The following CPNE4 variants were observed in gnomAD, a reference collection of about 807,000 sequenced individuals.
CPNE4 encodes the protein copine-4.
Under a neutral mutation model 67.9 loss-of-function variants are expected in CPNE4, and 25 were observed. The observed-to-expected ratio is 0.37, with a 90% CI of 0.27 to 0.51. The LOEUF (loss-of-function observed/expected upper bound fraction) is 0.51, where lower values mean the gene tolerates loss of function less well. CPNE4 is among the 20% of genes least tolerant of loss of function. The pLI is 0.93. For synonymous variants in CPNE4, 242 were observed against 244.9 expected (o/e 0.99, Z 0.11); for missense variants, 464 against 690.8 (o/e 0.67, Z 3.68).
At chr3:131,671,831 C>T (rs920115100) in intron 6 of CPNE4, among the ~76,000 whole-genome samples, 1 of 152,064 alleles carries the variant, frequency 6.6e-6, no homozygotes, top group African/African-American at 2.4e-5. Context: ...TCCACTTATA[C>T]TGTTTTGGTT....
intron 2 of CPNE4, among the ~76,000 whole-genome samples, chr3:131,763,290 G>A (rs1167444071): frequency 6.6e-6 from 1 of 152,114 alleles, no homozygotes; most frequent in Non-Finnish European, 1.5e-5. Context: ...AGTAGTCTTC[G>A]TTTGATGCAG....
intron 2 of CPNE4, among the ~76,000 whole-genome samples, chr3:131,887,737 C>T (rs2087952385): frequency 1.3e-5 from 2 of 152,202 alleles, no homozygotes; most frequent in South Asian, 4.1e-4. Context: ...AAAACTCCCT[C>T]AATAAGAATT....
chr3:131,753,170 G>A (rs2082671954), intron 2 of CPNE4, among the ~76,000 whole-genome samples: 1 of 151,642 alleles, frequency 6.6e-6, no homozygotes, highest in Non-Finnish European at 1.5e-5. Flanking sequence ...CCATCTCAGA[G>A]GAAAGAAATA....
chr3:131,585,365 C>T lies in CPNE4; in HGVS notation c.780+2119G>A, dbSNP rs73874135. On this transcript the variant is annotated intron_variant, in intron 8 of 15. Coordinates refer to ENST00000429747, the MANE Select transcript of CPNE4 (RefSeq NM_130808.3). ...TGCTTGGAATTTACTAGGTGCTACTCGATAAATATTGTAGAAACAATAAAT... is the reference window on the plus strand; with the variant it reads ...TGCTTGGAATTTACTAGGTGCTACTTGATAAATATTGTAGAAACAATAAAT... Among the ~76,000 whole-genome samples the T allele has an allele frequency of 9.4e-3, 1,428 of 152,114 alleles. 19 individuals are homozygous for T. Among genetic ancestry groups the T allele is most frequent in the East Asian group, 0.055 (282 of 5,170 alleles).
chr3:131,654,613 A>G (rs545862697), intron 7 of CPNE4, among the ~76,000 whole-genome samples: 13 of 152,298 alleles, frequency 8.5e-5, no homozygotes, highest in East Asian at 5.8e-4. Flanking sequence ...GGCCAGCTTT[A>G]GCAACAGTGA....
intron 2 of CPNE4, among the ~76,000 whole-genome samples, chr3:131,762,858 T>G (rs906587336): frequency 1.2e-4 from 18 of 150,834 alleles, no homozygotes; most frequent in Non-Finnish European, 2.4e-4. Flanking sequence ...TCAGCAAAGG[T>G]TTATTATGGT....
rs116101090 is a variant in CPNE4 at position 131,921,201 on chromosome 3, C to T, written c.-1-15757G>A. ...AAAAGCACCAAACTATTCCTACTTC[C>T]ACCACCAACTGGATTAGAACACCAG... On this transcript the variant is annotated intron_variant, in intron 1 of 15. Transcript: ENST00000429747. 7.2e-4 allele frequency among the ~76,000 whole-genome samples: 110 copies of T among 152,292 alleles called. 1 individual carries two copies. Among genetic ancestry groups the T allele is most frequent in the African/African-American group, 2.5e-3 (105 of 41,560 alleles).
chr3:132,033,380 AGAGTGTGT>A (rs911133892), intron 1 of CPNE4, among the ~76,000 whole-genome samples: 8 of 139,840 alleles, frequency 5.7e-5, no homozygotes, highest in Admixed American at 2.9e-4. Flanking sequence ...AAATCCTGTG[AGAGTGTGT>A]GAGTGTGTGT....
intron 3 of CPNE4, among the ~76,000 whole-genome samples, chr3:131,711,756 A>C (rs11706557): frequency 0.08 from 12,221 of 152,226 alleles, 662 homozygotes; most frequent in Non-Finnish European, 0.11. Context: ...TATTAGGTTA[A>C]TTTAAAGTAA....
intron 2 of CPNE4, among the ~76,000 whole-genome samples, chr3:131,808,622 T>C (rs1275907268): frequency 6.6e-6 from 1 of 152,176 alleles, no homozygotes; most frequent in Non-Finnish European, 1.5e-5. Flanking sequence ...AAAAATAAGC[T>C]CATTATACAA....
chr3:131,780,625 A>G (rs2083408164), intron 2 of CPNE4, among the ~76,000 whole-genome samples: 1 of 152,084 alleles, frequency 6.6e-6, no homozygotes, highest in African/African-American at 2.4e-5. Flanking sequence ...CACTGAGAAC[A>G]CACAGACGCA....
At chr3:131,988,166 C>A (rs895352508) in intron 1 of CPNE4, among the ~76,000 whole-genome samples, 9 of 152,092 alleles carry the variant, frequency 5.9e-5, no homozygotes, top group African/African-American at 2.2e-4. Flanking sequence ...TTACTCATCC[C>A]AAATGAGATA....
chr3:131,596,035 A>T (rs999176310), intron 7 of CPNE4, among the ~76,000 whole-genome samples: 2 of 152,200 alleles, frequency 1.3e-5, no homozygotes, highest in African/African-American at 4.8e-5. Context: ...GTCATGTTAG[A>T]TGAATAAGTT....
chr3:131,848,335 C>T (rs1325777863), intron 2 of CPNE4, among the ~76,000 whole-genome samples: 1 of 152,134 alleles, frequency 6.6e-6, no homozygotes, highest in Non-Finnish European at 1.5e-5. Context: ...TCTTGGCTGT[C>T]TCTAATCCCA....
In CPNE4 at chr3:131,792,892, A is replaced by AGTGTGTGTGTGT. The variant is rs1553772420; in HGVS notation, c.181-69279_181-69268dup. Among the ~76,000 whole-genome samples the AGTGTGTGTGTGT allele has an allele frequency of 2.8e-3, 357 of 127,962 alleles. 1 individual carries two copies. Among genetic ancestry groups the AGTGTGTGTGTGT allele is most frequent in the African/African-American group, 9.6e-3 (316 of 33,072 alleles). The allele number at this position is 127,962 out of a possible 152,430, so 83.9% of individuals were successfully genotyped here. A position where few individuals can be genotyped will look rare whatever the true frequency, so the allele number is the denominator to read the frequency against. On this transcript the variant is annotated intron_variant, in intron 2 of 15. Coordinates refer to ENST00000429747, the MANE Select transcript of CPNE4 (RefSeq NM_130808.3). ...ATATATTTACAGTGTAGGTATTTCCAGTGTGTGTGTGTGTGTGTGTGTGTG... is the reference window on the plus strand; with the variant it reads ...ATATATTTACAGTGTAGGTATTTCCAGTGTGTGTGTGTGTGTGTGTGTGTGTGTGTGTGTGTG...
chr3:131,982,514 G>C (rs1465149949), intron 1 of CPNE4, among the ~76,000 whole-genome samples: 1 of 152,176 alleles, frequency 6.6e-6, no homozygotes, highest in Non-Finnish European at 1.5e-5. Flanking sequence ...GTTATTATGT[G>C]CTGAGTTATT....
At chr3:131,623,686 T>G (rs1381051219) in intron 7 of CPNE4, among the ~76,000 whole-genome samples, 1 of 152,204 alleles carries the variant, frequency 6.6e-6, no homozygotes, top group African/African-American at 2.4e-5. Flanking sequence ...AGCATAGCGG[T>G]CACAACTGTG....
intron 2 of CPNE4, among the ~76,000 whole-genome samples, chr3:131,877,229 C>T (rs1246742126): frequency 6.6e-6 from 1 of 152,128 alleles, no homozygotes; most frequent in Non-Finnish European, 1.5e-5. Flanking sequence ...ATGGATGATA[C>T]AGCCTTCTGC....
chr3:131,754,126 C>T (rs2082695955), intron 2 of CPNE4, among the ~76,000 whole-genome samples: 1 of 151,956 alleles, frequency 6.6e-6, no homozygotes, highest in Non-Finnish European at 1.5e-5. Context: ...TATCAGTTGA[C>T]TTGCAGAGAT....
Sources: allele counts gnomAD v4.1 joint callset (sites outside exome capture counted in the v4.1 genomes callset), GRCh38; gene constraint gnomAD v4.1.1; transcripts MANE v1.5; gene names NCBI Gene and HGNC (gene_info 2026-07-23, HGNC 2026-07-21).